The following APOC2 variants were observed in gnomAD, a reference collection of about 807,000 sequenced individuals.
APOC2 encodes the protein apolipoprotein C2, also known as apolipoprotein C-II.
APOC2 carries 6 observed loss-of-function variants against 10.2 expected under a neutral mutation model. That is an observed-to-expected ratio of 0.59 (90% CI 0.32 to 1.16). The LOEUF (loss-of-function observed/expected upper bound fraction) is 1.16, where lower values mean the gene tolerates loss of function less well. Ranked by LOEUF, APOC2 falls within the 50% of genes most tolerant of loss-of-function variation. APOC2 has a pLI of 0.05. For missense variants in APOC2, 110 were observed against 117.6 expected (o/e 0.94, Z 0.30); for synonymous variants, 56 against 48.5 (o/e 1.15, Z -0.64).
In APOC2 at chr19:44,949,212, C is replaced by G; in HGVS notation, c.269C>G (p.Thr90Ser). 6.2e-7 allele frequency: 1 copy of G among 1,614,076 alleles called. No homozygotes were observed. The highest frequency in any genetic ancestry group is 2.2e-5 in the East Asian group (1 of 44,888). Residue 90 changes from threonine (T) to serine (S), a missense_variant, in exon 4 of 4, where the codon ACT becomes AGT. Physicochemically the swap from Thr to Ser is moderately conservative, Grantham distance 58. Transcript: ENST00000252490. ...AAMSTYTGIF[T>S]DQVLSVLKGE... ...ATGAGCACTTACACAGGCATTTTTA[C>G]TGACCAAGTTCTTTCTGTGCTGAAG...
At chr19:44,949,001 A>T in intron 3 of APOC2, 141 bp downstream of exon 3, 1 of 1,171,468 alleles carries the variant, frequency 8.5e-7, no homozygotes, top group Non-Finnish European at 1.2e-6. Context: ...CCAGGAGTCC[A>T]GGCCCCCAGC....
intron 1 of APOC2, among the ~76,000 whole-genome samples, chr19:44,946,681 G>A (rs1453248896): frequency 6.6e-6 from 1 of 152,024 alleles, no homozygotes; most frequent in Admixed American, 6.6e-5. Context: ...AATTGGCCGG[G>A]TGTGGTAGCA....
chr19:44,948,256 T>A (rs1970343531), intron 1 of APOC2: 1 of 536,128 alleles, frequency 1.9e-6, no homozygotes, highest in African/African-American at 1.9e-5. Flanking sequence ...AAAATAATAA[T>A]TAAAATGTTA....
At position 44,948,500 on chromosome 19, in the gene APOC2, GCT is replaced by G. The variant is rs755352904; in HGVS notation, c.25_26del (p.Leu9ValfsTer10). The G allele has an allele frequency of 1.9e-6, 3 of 1,614,078 alleles. No individual in the cohort carries two copies. Among genetic ancestry groups the G allele is most frequent in the South Asian group, 1.1e-5 (1 of 91,078 alleles). MGTRLLPALFLVLLVLGF... is the reference protein window; with the variant it reads MGTRLLPXLFLVLLVLGF... Reference sequence around the variant, plus strand: ...CACTATGGGCACACGACTCCTCCCAGCTCTGTTTCTTGTCCTCCTGGTATTGG... The same window carrying G: ...CACTATGGGCACACGACTCCTCCCAGCTGTTTCTTGTCCTCCTGGTATTGG... On this transcript the variant is annotated frameshift_variant, in exon 2 of 4. Transcript: ENST00000252490. LOFTEE classifies it high-confidence loss of function.
intron 1 of APOC2, among the ~76,000 whole-genome samples, 159 bp downstream of exon 1, chr19:44,946,234 T>TGTGTGTGTGTGTGTGTGAGA (rs1236986911): frequency 2.3e-4 from 30 of 132,894 alleles, no homozygotes; most frequent in African/African-American, 8.6e-4. Flanking sequence ...TGTGTGTGTG[T>TGTGTGTGTGTGTGTGTGAGA]GAGAGAGAGA....
rs1422389774 is a variant in APOC2, at chr19:44,948,687, C to A, written c.56-14C>A. The A allele has an allele frequency of 6.2e-7, 1 of 1,614,062 alleles. No homozygotes were observed. The highest frequency in any genetic ancestry group is 1.1e-5 in the South Asian group (1 of 91,084). ...CAGCCCCACGGGCTCTCCTGACACA[C>A]TCTCCCCCTGCAGAGGTCCAGGGGA... is the stretch of plus-strand genomic sequence containing the variant. On this transcript the variant is annotated splice_polypyrimidine_tract_variant and intron_variant, in intron 2 of 3. Transcript: ENST00000252490.
intron 2 of APOC2, 54 bp downstream of exon 2, chr19:44,948,587 C>T: frequency 6.2e-7 from 1 of 1,604,602 alleles, no homozygotes; most frequent in Non-Finnish European, 8.5e-7. Context: ...GAGCTCCAAG[C>T]ATCTTCCCAG....
rs201709243 is a variant in APOC2 at position 44,948,703 on chromosome 19, G to A, written c.58G>A (p.Val20Ile). The change falls in exon 3 of 4, where the codon GTC becomes ATC. Residue 20 changes from valine (V) to isoleucine (I), a missense_variant and splice_region_variant. Coordinates refer to ENST00000252490, the MANE Select transcript of APOC2 (RefSeq NM_000483.5). The part of the protein sequence containing the change: ...FLVLLVLGFE[V>I]QGTQQPQQDE... ...CCTGACACACTCTCCCCCTGCAGAG[G>A]TCCAGGGGACCCAACAGCCCCAGCA... 1.9e-5 allele frequency: 31 copies of A among 1,613,860 alleles called. No homozygotes were observed. In the African/African-American group the frequency reaches 3.9e-4, roughly 20 times the overall value.
chr19:44,949,431 C>T lies in APOC2; in HGVS notation c.*182C>T. 1 of 624,654 alleles carries T rather than the reference C, an allele frequency of 1.6e-6. No individual in the cohort carries two copies. The highest frequency in any genetic ancestry group is 2.4e-5 in the Admixed American group (1 of 41,318). The allele number at this position is 624,654 out of a possible 1,614,324, so 38.7% of individuals were successfully genotyped here. A position where few individuals can be genotyped will look rare whatever the true frequency, so the allele number is the denominator to read the frequency against. On this transcript the variant is annotated 3_prime_UTR_variant, in exon 4 of 4. Coordinates refer to ENST00000252490, the MANE Select transcript of APOC2 (RefSeq NM_000483.5). ...ATGGATGGCACTGCTTTTCTGAGGA[C>T]TCAAGGGCCAAGATGGAGGGGCTGA... is the stretch of plus-strand genomic sequence containing the variant.
chr19:44,948,673 G>T, intron 2 of APOC2, 28 bp from the exon 3 acceptor site: 1 of 1,613,578 alleles, frequency 6.2e-7, no homozygotes, highest in South Asian at 1.1e-5. Context: ...AGCCCCACGG[G>T]CTCTCCTGAC....
intron 1 of APOC2, among the ~76,000 whole-genome samples, chr19:44,946,605 T>C (rs1470295978): frequency 6.6e-6 from 1 of 152,040 alleles, no homozygotes; most frequent in African/African-American, 2.4e-5. Flanking sequence ...GTGGATCACT[T>C]GAGGTCAGGA....
At chr19:44,948,149 T>C (rs1368050974) in intron 1 of APOC2, 5 of 273,766 alleles carry the variant, frequency 1.8e-5, no homozygotes, top group Non-Finnish European at 7.2e-6. Context: ...GGCAGGAGAA[T>C]TGCTTGAACC....
rs770092327 is a variant in APOC2, at chr19:44,948,841, G to A, written c.196G>A (p.Ala66Thr). The A allele has an allele frequency of 1.1e-5, 17 of 1,613,078 alleles. No individual in the cohort carries two copies. The highest frequency in any genetic ancestry group is 6.7e-5 in the East Asian group (3 of 44,902). The change falls in exon 3 of 4, where the codon GCT becomes ACT. Residue 66 changes from alanine to threonine, a missense_variant. Coordinates refer to ENST00000252490, the MANE Select transcript of APOC2 (RefSeq NM_000483.5). Reference protein sequence around the residue: ...QNLYEKTYLPAVDEKLRDLYS... With the variant: ...QNLYEKTYLPTVDEKLRDLYS... ...CCTGTACGAGAAGACATACCTGCCCGCTGTAGATGAGAAACTCAGGTAGCA... is the reference window on the plus strand; with the variant it reads ...CCTGTACGAGAAGACATACCTGCCCACTGTAGATGAGAAACTCAGGTAGCA...
rs752198029 is a variant in APOC2 at position 44,949,258 on chromosome 19, C to A, written c.*9C>A. The stretch of plus-strand genomic sequence containing the variant: ...TGAAGGGAGAGGAGTAACAGCCAGA[C>A]CCCCCATCAGTGGACAAGGGGAGAG... On this transcript the variant is annotated 3_prime_UTR_variant, in exon 4 of 4. Coordinates refer to ENST00000252490, the MANE Select transcript of APOC2 (RefSeq NM_000483.5). The A allele has an allele frequency of 1.4e-5, 22 of 1,610,798 alleles. No homozygotes were observed. Among genetic ancestry groups the A allele is most frequent in the Non-Finnish European group, 1.7e-5 (20 of 1,177,924 alleles).
chr19:44,947,166 A>G (rs1970331496), intron 1 of APOC2: 1 of 151,844 alleles, frequency 6.6e-6, no homozygotes, highest in African/African-American at 2.4e-5. Flanking sequence ...AAAAAAAAAG[A>G]ATTGTAGACC....
chr19:44,949,275 AGG>A lies in APOC2; in HGVS notation c.*29_*30del, dbSNP rs1568635210. The A allele has an allele frequency of 2.5e-6, 4 of 1,597,754 alleles. No individual in the cohort carries two copies. The South Asian group carries it at 4.4e-5, about 18-fold the overall frequency. On this transcript the variant is annotated 3_prime_UTR_variant, in exon 4 of 4. Coordinates refer to ENST00000252490, the MANE Select transcript of APOC2 (RefSeq NM_000483.5). ...CAGCCAGACCCCCCATCAGTGGACA[AGG>A]GGAGAGTCCCCTACTCCCCTGATCC...
chr19:44,946,167 T>G (rs1970316557), intron 1 of APOC2, 92 bp downstream of exon 1: 1 of 150,304 alleles, frequency 6.7e-6, no homozygotes, highest in Non-Finnish European at 1.5e-5. Flanking sequence ...GGCACAATAT[T>G]AGAAGCCCGT....
Position 44,949,558 on chromosome 19 carries a change from A to C in APOC2, c.*309A>C. The C allele has an allele frequency of 2.8e-6, 1 of 355,974 alleles. No individual in the cohort carries two copies. Among genetic ancestry groups the C allele is most frequent in the Middle Eastern group, 8.9e-4 (1 of 1,120 alleles). 22.1% of individuals were successfully genotyped at this position (355,974 alleles called of 1,614,324 possible). On this transcript the variant is annotated 3_prime_UTR_variant, in exon 4 of 4. Coordinates refer to ENST00000252490, the MANE Select transcript of APOC2 (RefSeq NM_000483.5). ...GTGAATAGTAACAATAAATAATCGT[A>C]ACAGCAATTAGAGACTAATCTTTAT...
In APOC2 at chr19:44,948,277, T is replaced by G. The variant is rs12721060; in HGVS notation, c.-13-189T>G. On this transcript the variant is annotated intron_variant, in intron 1 of 3. Transcript: ENST00000252490. The stretch of plus-strand genomic sequence containing the variant: ...ATAATTAAAATGTTAAAATCAGGAG[T>G]AGAATCACAGAATGTTGGAAAGTGA... 1,257 of 599,928 alleles carry G rather than the reference T, an allele frequency of 2.1e-3. 11 individuals carry two copies. The highest frequency in any genetic ancestry group is 0.02 in the African/African-American group (1,043 of 53,104). 37.2% of individuals were successfully genotyped at this position (599,928 alleles called of 1,614,324 possible).
Sources: allele counts gnomAD v4.1 joint callset (sites outside exome capture counted in the v4.1 genomes callset), GRCh38; gene constraint gnomAD v4.1.1; transcripts MANE v1.5; gene names NCBI Gene and HGNC (gene_info 2026-07-23, HGNC 2026-07-21).